Variants in MAGI1 observed in about 807,000 individuals in gnomAD.
MAGI1 encodes the protein membrane associated guanylate kinase, WW and PDZ domain containing 1.
A neutral mutation model predicts 139.9 loss-of-function variants in MAGI1; 58 were observed. That is an observed-to-expected ratio of 0.41 (90% confidence interval 0.34 to 0.52). The LOEUF (loss-of-function observed/expected upper bound fraction) is 0.52, where lower values mean the gene tolerates loss of function less well. MAGI1 is among the 20% of genes least tolerant of loss of function. The pLI is 0.12. For synonymous variants in MAGI1, 812 were observed against 737.9 expected (o/e 1.10, Z -1.63); for missense variants, 1,874 against 1,901.6 (o/e 0.99, Z 0.27).
intron 1 of MAGI1, among the ~76,000 whole-genome samples, chr3:65,848,348 C>A (rs1238825080): frequency 6.6e-6 from 1 of 152,172 alleles, no homozygotes; most frequent in African/African-American, 2.4e-5. Flanking sequence ...TGGTTCTGAG[C>A]AGGCTTAATA....
At chr3:65,488,863 G>A (rs1029965813) in intron 3 of MAGI1, among the ~76,000 whole-genome samples, 1 of 151,168 alleles carries the variant, frequency 6.6e-6, no homozygotes, top group Admixed American at 6.6e-5. Flanking sequence ...TATAGAGATG[G>A]GGTTTTGCCA....
At position 65,353,893 on chromosome 3, in the gene MAGI1, T is replaced by C. The variant is rs936462813; in HGVS notation, c.*2485A>G. 3.3e-5 allele frequency: 5 copies of C among 152,236 alleles called. No homozygotes were observed. The highest frequency in any genetic ancestry group is 7.2e-5 in the African/African-American group (3 of 41,458). The allele number at this position is 152,236 out of a possible 1,614,324, so 9.4% of individuals were successfully genotyped here. On this transcript the variant is annotated 3_prime_UTR_variant, in exon 23 of 23. Coordinates refer to ENST00000402939, the MANE Select transcript of MAGI1 (RefSeq NM_001033057.2). ...ACAATATTTCCAAACAAATCTGATG[T>C]GTGGAATTCAGGTGAAACTGCCACA...
intron 14 of MAGI1, among the ~76,000 whole-genome samples, chr3:65,390,928 A>T (rs1575589775): frequency 6.6e-6 from 1 of 152,138 alleles, no homozygotes; most frequent in East Asian, 1.9e-4. Context: ...TTATGTGATA[A>T]CCATCCACTT....
chr3:65,950,514 C>A (rs779526996), intron 1 of MAGI1, among the ~76,000 whole-genome samples: 24 of 152,086 alleles, frequency 1.6e-4, no homozygotes, highest in Non-Finnish European at 2.8e-4. Context: ...TTAAAATGTG[C>A]CCTGCAGCTC....
chr3:65,423,369 T>TG (rs200412333), intron 12 of MAGI1, among the ~76,000 whole-genome samples: 2,957 of 148,376 alleles, frequency 0.02, 95 homozygotes, highest in African/African-American at 0.068. Context: ...AAAACACACG[T>TG]GCGTGCACAC....
intron 1 of MAGI1, chr3:65,874,395 C>T (rs1041616877): frequency 6.6e-6 from 1 of 152,178 alleles, no homozygotes; most frequent in Non-Finnish European, 1.5e-5. Flanking sequence ...CTTGTATCCA[C>T]AACATATAAA....
At chr3:65,555,181 A>C (rs1235110079) in intron 2 of MAGI1, among the ~76,000 whole-genome samples, 2 of 152,156 alleles carry the variant, frequency 1.3e-5, no homozygotes, top group Non-Finnish European at 2.9e-5. Context: ...TACTCATTCA[A>C]TTTTTTCAAC....
At chr3:65,828,743 G>A (rs1221533484) in intron 1 of MAGI1, among the ~76,000 whole-genome samples, 4 of 152,196 alleles carry the variant, frequency 2.6e-5, no homozygotes, top group Non-Finnish European at 5.9e-5. Context: ...GAGATACGGG[G>A]ATTACTCTGG....
chr3:65,732,006 A>G (rs916915400), intron 1 of MAGI1, among the ~76,000 whole-genome samples: 2 of 152,208 alleles, frequency 1.3e-5, no homozygotes, highest in African/African-American at 4.8e-5. Context: ...AAACAATTCT[A>G]TTTTAAGTAT....
intron 1 of MAGI1, among the ~76,000 whole-genome samples, chr3:65,995,329 A>G (rs533233212): frequency 1.6e-4 from 24 of 152,356 alleles, no homozygotes; most frequent in Admixed American, 1.4e-3. Flanking sequence ...GCAATAGCCA[A>G]TAATTACAAT....
chr3:65,920,077 C>T (rs2062101040), intron 1 of MAGI1, among the ~76,000 whole-genome samples: 1 of 152,206 alleles, frequency 6.6e-6, no homozygotes, highest in African/African-American at 2.4e-5. Context: ...GAACAAACCA[C>T]ATTTCTTGGC....
intron 1 of MAGI1, among the ~76,000 whole-genome samples, chr3:65,677,248 T>A (rs2087254381): frequency 6.6e-6 from 1 of 152,122 alleles, no homozygotes; most frequent in Non-Finnish European, 1.5e-5. Flanking sequence ...TATTTTGTAT[T>A]GTTTGTTTGT....
chr3:65,726,900 T>C (rs1006604252), intron 1 of MAGI1, among the ~76,000 whole-genome samples: 1 of 136,444 alleles, frequency 7.3e-6, no homozygotes, highest in African/African-American at 2.7e-5. Context: ...GGGAGATGGA[T>C]AAACAGGTTG....
In MAGI1 at chr3:65,841,438, T is replaced by G. The variant is rs183487502; in HGVS notation, c.313+196558A>C. ...GTTTTGTTTTGTTTTGCTTTTTGTT[T>G]TTGTTTTTGTTTTTGTTTTTTTTTT... On this transcript the variant is annotated intron_variant, in intron 1 of 22. Transcript: ENST00000402939. Among the ~76,000 whole-genome samples, 355 of 115,904 alleles carry G rather than the reference T, an allele frequency of 3.1e-3. 2 individuals carry two copies. The highest frequency in any genetic ancestry group is 9.5e-3 in the African/African-American group (332 of 35,076). 76.0% of individuals were successfully genotyped at this position (115,904 alleles called of 152,430 possible).
intron 1 of MAGI1, among the ~76,000 whole-genome samples, chr3:65,645,710 G>A (rs1201360173): frequency 1.3e-5 from 2 of 152,046 alleles, no homozygotes; most frequent in African/African-American, 4.8e-5. Flanking sequence ...AAGAGTACAT[G>A]GAGGAAATAT....
At chr3:65,408,724 T>C (rs1043110668) in intron 12 of MAGI1, among the ~76,000 whole-genome samples, 5 of 152,210 alleles carry the variant, frequency 3.3e-5, no homozygotes, top group African/African-American at 1.2e-4. Flanking sequence ...GTTCTCTCTG[T>C]ACCAATAAAA....
chr3:65,763,578 A>G (rs2107893459), intron 1 of MAGI1, among the ~76,000 whole-genome samples: 1 of 152,136 alleles, frequency 6.6e-6, no homozygotes, highest in Non-Finnish European at 1.5e-5. Context: ...AGGCATAAAG[A>G]AAAAAAATAA....
intron 12 of MAGI1, chr3:65,401,951 C>CT (rs146289627): frequency 0.047 from 44,308 of 946,250 alleles, 896 homozygotes; most frequent in East Asian, 0.072. Context: ...TTGGTCTTTT[C>CT]TTTTTTTTTC....
chr3:65,725,633 G>A (rs1020555459), intron 1 of MAGI1, among the ~76,000 whole-genome samples: 1 of 152,180 alleles, frequency 6.6e-6, no homozygotes, highest in African/African-American at 2.4e-5. Context: ...TGGAAAAGAA[G>A]AAATGCAAGG....
Sources: gnomAD v4.1 joint callset for allele counts (sites outside exome capture counted in the v4.1 genomes callset) on GRCh38, gnomAD v4.1.1 for gene constraint, MANE v1.5 for transcripts, NCBI Gene and HGNC (gene_info 2026-07-23, HGNC 2026-07-21) for gene names.